Variants in RND1 observed in about 807,000 individuals in gnomAD.
RND1 encodes rho-related GTP-binding protein Rho6.
A neutral mutation model predicts 27.1 loss-of-function variants in RND1; 9 were observed. That is an observed-to-expected ratio of 0.33 (90% CI 0.20 to 0.58). The LOEUF (loss-of-function observed/expected upper bound fraction) is 0.58. Among genes scored for constraint, RND1 ranks in the 20% least tolerant of loss-of-function variants. The probability of loss-of-function intolerance (pLI) is 0.86; values close to 1 mark genes in which losing one functional copy is unlikely to be tolerated. For synonymous variants in RND1, 108 were observed against 115.7 expected, an observed-to-expected ratio of 0.93 and a Z score of 0.43; for missense variants, 253 against 292.2, an observed-to-expected ratio of 0.87 and a Z score of 0.98.
intron 2 of RND1, among the ~76,000 whole-genome samples, chr12:48,864,404 TGTGTGTGTGTGTGCGCGCGCGCGC>T (rs1004715189): frequency 8.4e-6 from 1 of 118,764 alleles, no homozygotes; most frequent in Non-Finnish European, 1.8e-5. Context: ...TGTGTGTGTG[TGTGTGTGTGTGTGCGCGCGCGCGC>T]GTGTGTGTGC....
intron 4 of RND1, among the ~76,000 whole-genome samples, chr12:48,860,711 T>G (rs75596379): frequency 0.064 from 9,694 of 151,776 alleles, 371 homozygotes; most frequent in African/African-American, 0.086. Flanking sequence ...CCTCTTTTTT[T>G]TGTGTGTGTG....
chr12:48,863,919 T>C (rs1047714257), intron 2 of RND1, among the ~76,000 whole-genome samples: 2 of 152,070 alleles, frequency 1.3e-5, no homozygotes, highest in Non-Finnish European at 2.9e-5. Flanking sequence ...AGCCAGTCTA[T>C]TGAAAAAGGT....
rs188129600 is a variant in RND1, at chr12:48,857,957, G to A, written c.*39C>T. 264 of 1,553,200 alleles carry A rather than the reference G, an allele frequency of 1.7e-4. 1 individual carries two copies. The East Asian group carries it at 5.4e-3, about 32-fold the overall frequency. ...CTCCCCGTGCCTCTGCACCCCAAGG[G>A]AGGAAGTAGGGGGTTGTCTCCCCCC... is the stretch of plus-strand genomic sequence containing the variant. On this transcript the variant is annotated 3_prime_UTR_variant, in exon 5 of 5. Coordinates refer to ENST00000309739, the MANE Select transcript of RND1 (RefSeq NM_014470.4).
chr12:48,862,070 T>G lies in RND1; in HGVS notation c.257A>C (p.Asp86Ala). 6.2e-7 allele frequency: 1 copy of G among 1,613,812 alleles called. No individual in the cohort carries two copies. Among genetic ancestry groups the G allele is most frequent in the Non-Finnish European group, 8.5e-7 (1 of 1,179,702 alleles). Residue 86 changes from aspartate to alanine, a missense_variant, in exon 3 of 5, where the codon GAT (aspartate) becomes GCT (alanine). By Grantham distance (126) the Asp-to-Ala change is moderately radical. Transcript: ENST00000309739. ...GATGTCAAAACATAGTAATACTGCA[T>G]CCGAGTCGCTGTAGCAGAGTGGACG... ...NVRPLCYSDS[D>A]AVLLCFDISR...
Position 48,865,001 on chromosome 12 carries a change from G to A in RND1, c.121-131C>T, listed in dbSNP as rs1250922132. On this transcript the variant is annotated intron_variant, in intron 1 of 4. Transcript: ENST00000309739. ...GACAAGAAACCAGAGGAGATGCCTG[G>A]GGCAGGAGGGAAGGGACTGTGGAGG... 11 of 741,548 alleles carry A rather than the reference G, an allele frequency of 1.5e-5. No individual in the cohort carries two copies. The Admixed American group carries it at 1.9e-4, about 13-fold the overall frequency. The allele number at this position is 741,548 out of a possible 1,614,324, so 45.9% of individuals were successfully genotyped here.
At chr12:48,860,031 G>A (rs1267125221) in intron 4 of RND1, among the ~76,000 whole-genome samples, 6 of 149,888 alleles carry the variant, frequency 4.0e-5, no homozygotes, top group South Asian at 4.2e-4. Flanking sequence ...ACCTGCCTCC[G>A]TCTCCCAAAG....
chr12:48,858,876 GAAAAAAAAAAA>G (rs375030526), intron 4 of RND1: 1 of 54,586 alleles, frequency 1.8e-5, no homozygotes, highest in Non-Finnish European at 3.8e-5. Flanking sequence ...CCTGTCTCTG[GAAAAAAAAAAA>G]AAAAAAAAAG....
In RND1 at chr12:48,865,819, C is replaced by T; in HGVS notation, c.-52G>A. ...TTCGATTCAGAAGGGAGGGTTGCGC[C>T]AGGTGCGTCTCAGCACGCCAATCAA... On this transcript the variant is annotated 5_prime_UTR_variant, in exon 1 of 5. Coordinates refer to ENST00000309739, the MANE Select transcript of RND1 (RefSeq NM_014470.4). 1.9e-6 allele frequency: 3 copies of T among 1,538,906 alleles called. No homozygotes were observed. Among genetic ancestry groups the T allele is most frequent in the Non-Finnish European group, 2.6e-6 (3 of 1,136,708 alleles).
chr12:48,865,582 T>G, intron 1 of RND1, 66 bp downstream of exon 1: 2 of 1,543,670 alleles, frequency 1.3e-6, no homozygotes, highest in South Asian at 2.4e-5. Context: ...CCTGAGCAGG[T>G]GGAAATCTAC....
At chr12:48,863,979 C>A (rs147717034) in intron 2 of RND1, among the ~76,000 whole-genome samples, 16 of 152,180 alleles carry the variant, frequency 1.1e-4, no homozygotes, top group African/African-American at 3.6e-4. Context: ...CAAAGGATAG[C>A]CTAGCACTAA....
Position 48,857,800 on chromosome 12 carries a change from G to T in RND1, c.*196C>A. 1.8e-6 allele frequency: 1 copy of T among 545,470 alleles called. No individual in the cohort carries two copies. Among genetic ancestry groups the T allele is most frequent in the Non-Finnish European group, 3.0e-6 (1 of 330,322 alleles). 33.8% of individuals were successfully genotyped at this position (545,470 alleles called of 1,614,324 possible). ...TCTAGTGCCTGGCTTGGGGTATGAT[G>T]GTTCTCTCTCAGCGTCAGGTCCTCA... is the stretch of plus-strand genomic sequence containing the variant. On this transcript the variant is annotated 3_prime_UTR_variant, in exon 5 of 5. Transcript: ENST00000309739.
At position 48,865,628 on chromosome 12, in the gene RND1, C is replaced by A. The variant is rs561462413; in HGVS notation, c.120+20G>T. The stretch of plus-strand genomic sequence containing the variant: ...GCAGGCAGGGAGAAAAGCCGGCCAG[C>A]GGGCGGGCGGGCAGCTCACCTCTGG... On this transcript the variant is annotated intron_variant, in intron 1 of 4. Coordinates refer to ENST00000309739, the MANE Select transcript of RND1 (RefSeq NM_014470.4). The A allele has an allele frequency of 2.5e-6, 4 of 1,602,110 alleles. No individual in the cohort carries two copies. The South Asian group carries it at 4.5e-5, about 18-fold the overall frequency.
At position 48,857,700 on chromosome 12, in the gene RND1, A is replaced by C; in HGVS notation, c.*296T>G. On this transcript the variant is annotated 3_prime_UTR_variant, in exon 5 of 5. Coordinates refer to ENST00000309739, the MANE Select transcript of RND1 (RefSeq NM_014470.4). The stretch of plus-strand genomic sequence containing the variant: ...TGTAGGCCCCCAAGCCCATGAGGCC[A>C]GCATGCCCCCCGTCCCCCACAGCTT... The C allele has an allele frequency of 3.7e-6, 1 of 267,984 alleles. No homozygotes were observed. The highest frequency in any genetic ancestry group is 8.4e-5 in the East Asian group (1 of 11,898). The allele number at this position is 267,984 out of a possible 1,614,324, so 16.6% of individuals were successfully genotyped here. A position where few individuals can be genotyped will look rare whatever the true frequency, so the allele number is the denominator to read the frequency against.
chr12:48,865,231 C>T, intron 1 of RND1: 2 of 379,086 alleles, frequency 5.3e-6, no homozygotes, highest in Admixed American at 7.8e-5. Flanking sequence ...CCCTCCCGGC[C>T]AGGTGAACAG....
At position 48,865,417 on chromosome 12, in the gene RND1, G is replaced by A. The variant is rs1414877937; in HGVS notation, c.120+231C>T. The A allele has an allele frequency of 2.0e-5, 11 of 558,112 alleles. No homozygotes were observed. In the East Asian group the frequency reaches 3.5e-4, roughly 18 times the overall value. 34.6% of individuals were successfully genotyped at this position (558,112 alleles called of 1,614,324 possible). On this transcript the variant is annotated intron_variant, in intron 1 of 4. Transcript: ENST00000309739. ...GTGGAGGGGATCTGATGGGTCCTCT[G>A]GGTGAAGAGGTGAGGAGGAGCCAGC...
intron 2 of RND1, among the ~76,000 whole-genome samples, chr12:48,863,022 T>C (rs1690003850): frequency 6.6e-6 from 1 of 152,076 alleles, no homozygotes; most frequent in African/African-American, 2.4e-5. Context: ...TTGGGATAGC[T>C]GCCTGCTCCT....
intron 4 of RND1, 70 bp from the exon 5 acceptor site, chr12:48,858,311 C>G: frequency 1.3e-6 from 2 of 1,558,474 alleles, no homozygotes; most frequent in Non-Finnish European, 1.7e-6. Context: ...CTGTGCGTCA[C>G]TCCCCAGGGC....
intron 4 of RND1, among the ~76,000 whole-genome samples, chr12:48,860,495 G>A (rs985326254): frequency 9.9e-4 from 150 of 151,096 alleles, no homozygotes; most frequent in African/African-American, 3.4e-3. Context: ...CTCAAGCAGC[G>A]GTCCTCCCAC....
chr12:48,861,670 T>C (rs1397239357), intron 3 of RND1, among the ~76,000 whole-genome samples: 1 of 152,230 alleles, frequency 6.6e-6, no homozygotes, highest in Non-Finnish European at 1.5e-5. Context: ...TCAGGGTCTA[T>C]AGAAGCTGCC....
Sources: allele counts gnomAD v4.1 joint callset (sites outside exome capture counted in the v4.1 genomes callset), GRCh38; gene constraint gnomAD v4.1.1; transcripts MANE v1.5; gene names NCBI Gene and HGNC (gene_info 2026-07-23, HGNC 2026-07-21).